CCDC60: variants seen among roughly 807,000 people sequenced by gnomAD.
The protein encoded by CCDC60 is coiled-coil domain containing 60, also known as coiled-coil domain-containing protein 60.
Under a neutral mutation model 63.5 loss-of-function variants are expected in CCDC60, and 54 were observed. The observed-to-expected ratio is 0.85, with a 90% confidence interval of 0.68 to 1.07. The LOEUF (loss-of-function observed/expected upper bound fraction) is 1.07, where lower values mean the gene tolerates loss of function less well. Ranked by LOEUF, CCDC60 falls within the 50% of genes least tolerant of loss-of-function variation. The pLI is 0.00. For missense variants in CCDC60, 651 were observed against 684.3 expected (o/e 0.95, Z 0.54); for synonymous variants, 206 against 238.8 (o/e 0.86, Z 1.27).
chr12:119,433,356 A>G (rs12322291), intron 2 of CCDC60: 45,160 of 698,562 alleles, frequency 0.065, 1,608 homozygotes, highest in East Asian at 0.08. Flanking sequence ...GTTAAAGCTG[A>G]GATTTAACGT....
chr12:119,418,326 A>G (rs1231029341), intron 1 of CCDC60, among the ~76,000 whole-genome samples: 2 of 150,446 alleles, frequency 1.3e-5, no homozygotes, highest in Non-Finnish European at 3.0e-5. Context: ...CAGTTAACAC[A>G]GAAATTTCAC....
intron 6 of CCDC60, 91 bp from the exon 7 acceptor site, chr12:119,504,978 C>A: frequency 1.1e-6 from 1 of 921,616 alleles, no homozygotes; most frequent in Non-Finnish European, 1.6e-6. Context: ...GTCTGCTGTC[C>A]CTCCCCACCT....
intron 1 of CCDC60, among the ~76,000 whole-genome samples, chr12:119,366,394 T>A (rs1341117481): frequency 6.6e-6 from 1 of 152,230 alleles, no homozygotes; most frequent in Non-Finnish European, 1.5e-5. Context: ...TCTGTCTGTC[T>A]TCAAAACTCA....
intron 4 of CCDC60, among the ~76,000 whole-genome samples, chr12:119,480,306 C>T (rs1425923706): frequency 6.6e-6 from 1 of 152,152 alleles, no homozygotes; most frequent in African/African-American, 2.4e-5. Context: ...TATTCAGGGT[C>T]ACAGAGGTCA....
chr12:119,524,721 C>CT (rs55694840), intron 11 of CCDC60, among the ~76,000 whole-genome samples: 1,084 of 99,030 alleles, frequency 0.011, 27 homozygotes, highest in East Asian at 0.037. Flanking sequence ...CTTTTCTTTT[C>CT]TTTTTTTTTT....
chr12:119,335,793 CTTTAG>C (rs1239920721), intron 1 of CCDC60, among the ~76,000 whole-genome samples: 2 of 151,456 alleles, frequency 1.3e-5, no homozygotes, highest in African/African-American at 4.8e-5. Flanking sequence ...TACAGAAGCT[CTTTAG>C]TTTAATTAGA....
chr12:119,533,772 G>C (rs1326746065), intron 13 of CCDC60, among the ~76,000 whole-genome samples: 3 of 152,080 alleles, frequency 2.0e-5, no homozygotes, highest in Non-Finnish European at 2.9e-5. Context: ...TGTTCCATTG[G>C]TCTATAAGTC....
At chr12:119,364,850 T>C (rs574227135) in intron 1 of CCDC60, among the ~76,000 whole-genome samples, 10 of 152,234 alleles carry the variant, frequency 6.6e-5, no homozygotes, top group Admixed American at 3.3e-4. Context: ...AGACCTTGTT[T>C]TGTCCAGGGA....
At chr12:119,483,407 A>T (rs1951370067) in intron 4 of CCDC60, among the ~76,000 whole-genome samples, 4 of 152,212 alleles carry the variant, frequency 2.6e-5, no homozygotes, top group Admixed American at 2.6e-4. Flanking sequence ...TCAATCATGT[A>T]ACAAGAGACT....
chr12:119,526,456 T>C (rs1456213398), intron 11 of CCDC60, among the ~76,000 whole-genome samples: 1 of 152,216 alleles, frequency 6.6e-6, no homozygotes, highest in Non-Finnish European at 1.5e-5. Context: ...CAAAAGATGC[T>C]ATCAACCGAG....
At chr12:119,507,614 A>ATTTTTTTTT (rs1184630442) in intron 7 of CCDC60, among the ~76,000 whole-genome samples, 1 of 50,498 alleles carries the variant, frequency 2.0e-5, no homozygotes, top group African/African-American at 7.9e-5. Flanking sequence ...ATATATATAT[A>ATTTTTTTTT]TTTTTTTTTT....
At chr12:119,479,445 A>C in intron 4 of CCDC60, 1 of 478,618 alleles carries the variant, frequency 2.1e-6, no homozygotes, top group Admixed American at 3.4e-5. Context: ...CAGACGCTCT[A>C]ATGTCAAATA....
intron 11 of CCDC60, 21 bp downstream of exon 11, chr12:119,523,839 A>G (rs373923527): frequency 2.0e-4 from 326 of 1,612,542 alleles, no homozygotes; most frequent in Non-Finnish European, 2.5e-4. Flanking sequence ...ATATATATCC[A>G]TTCATTCAAA....
chr12:119,531,688 T>A (rs1191754094), intron 13 of CCDC60, among the ~76,000 whole-genome samples: 1 of 152,142 alleles, frequency 6.6e-6, no homozygotes, highest in Non-Finnish European at 1.5e-5. Context: ...TCAGTGAGTA[T>A]GGAAGGAAGC....
At chr12:119,536,127 A>G (rs1952998740) in intron 13 of CCDC60, among the ~76,000 whole-genome samples, 1 of 152,204 alleles carries the variant, frequency 6.6e-6, no homozygotes, top group African/African-American at 2.4e-5. Context: ...TATTTAGGAT[A>G]GTTAGCTCTT....
At chr12:119,345,494 T>A (rs1287417859) in intron 1 of CCDC60, among the ~76,000 whole-genome samples, 3 of 134,824 alleles carry the variant, frequency 2.2e-5, no homozygotes, top group East Asian at 4.1e-4. Context: ...AGAGTGAGAC[T>A]CCATCTCAAA....
chr12:119,403,134 A>G (rs1956423563), intron 1 of CCDC60, among the ~76,000 whole-genome samples: 1 of 152,182 alleles, frequency 6.6e-6, no homozygotes, highest in Non-Finnish European at 1.5e-5. Context: ...ACATTCTTCC[A>G]TGGGAGCAAC....
At chr12:119,373,120 C>T (rs1209245861) in intron 1 of CCDC60, among the ~76,000 whole-genome samples, 3 of 152,118 alleles carry the variant, frequency 2.0e-5, no homozygotes, top group East Asian at 1.9e-4. Context: ...GAGTGGGTGG[C>T]GTCTCCTTTA....
intron 1 of CCDC60, among the ~76,000 whole-genome samples, chr12:119,369,671 G>C (rs1955878185): frequency 6.6e-6 from 1 of 152,158 alleles, no homozygotes; most frequent in Non-Finnish European, 1.5e-5. Context: ...TTAGCTCGTG[G>C]AGCTGTTGGG....
Sources: allele counts gnomAD v4.1 joint callset (sites outside exome capture counted in the v4.1 genomes callset), GRCh38; gene constraint gnomAD v4.1.1; transcripts MANE v1.5; gene names NCBI Gene and HGNC (gene_info 2026-07-23, HGNC 2026-07-21).